SRPK1: variants seen among roughly 807,000 people sequenced by gnomAD.
SRPK1 encodes SFRS protein kinase 1.
Under a neutral mutation model 89.5 loss-of-function variants are expected in SRPK1, and 52 were observed. The ratio of observed to expected loss-of-function variants is 0.58; its 90% confidence interval spans 0.46 to 0.73. The LOEUF (loss-of-function observed/expected upper bound fraction) is 0.73, where lower values mean the gene tolerates loss of function less well. SRPK1 is among the 30% of genes least tolerant of loss of function. SRPK1 has a pLI of 0.00. For missense variants in SRPK1, 603 were observed against 780.6 expected (o/e 0.77, Z 2.71); for synonymous variants, 255 against 270.2 (o/e 0.94, Z 0.55).
intron 2 of SRPK1, among the ~76,000 whole-genome samples, chr6:35,904,691 C>T (rs577957970): frequency 4.6e-5 from 7 of 151,688 alleles, no homozygotes; most frequent in Non-Finnish European, 8.8e-5. Flanking sequence ...CCCAGCTACT[C>T]GGGAGGCTAA....
chr6:35,918,218 G>A (rs1771153715), intron 2 of SRPK1, among the ~76,000 whole-genome samples: 1 of 152,082 alleles, frequency 6.6e-6, no homozygotes, highest in Non-Finnish European at 1.5e-5. Context: ...GAAAGAAAAA[G>A]AGCAAGGTGC....
At chr6:35,865,240 T>C (rs1418672464) in intron 12 of SRPK1, among the ~76,000 whole-genome samples, 2 of 152,280 alleles carry the variant, frequency 1.3e-5, no homozygotes, top group East Asian at 3.9e-4. Context: ...TACCCTATTT[T>C]ACTCCATGAT....
At chr6:35,870,565 TA>T in intron 9 of SRPK1, 71 bp from the exon 10 acceptor site, 1 of 1,317,814 alleles carries the variant, frequency 7.6e-7, no homozygotes, top group Non-Finnish European at 1.0e-6. Flanking sequence ...AGATAGTTGT[TA>T]ACTTTAATTA....
intron 6 of SRPK1, among the ~76,000 whole-genome samples, chr6:35,880,022 C>T (rs866693096): frequency 2.0e-4 from 30 of 148,090 alleles, no homozygotes; most frequent in African/African-American, 6.5e-4. Flanking sequence ...GTTCGCACCA[C>T]GGCACTCCAG....
intron 4 of SRPK1, 107 bp downstream of exon 4, chr6:35,888,708 A>G: frequency 1.4e-6 from 1 of 737,310 alleles, no homozygotes; most frequent in Non-Finnish European, 2.3e-6. Context: ...ATTCTGATAA[A>G]TGAATCAGGC....
intron 7 of SRPK1, among the ~76,000 whole-genome samples, chr6:35,873,155 A>G (rs1274876670): frequency 6.6e-6 from 1 of 152,232 alleles, no homozygotes; most frequent in Non-Finnish European, 1.5e-5. Flanking sequence ...TAATCCAAAC[A>G]AATTTTTGCA....
intron 6 of SRPK1, among the ~76,000 whole-genome samples, chr6:35,882,510 G>T (rs1250422877): frequency 1.3e-5 from 2 of 151,952 alleles, no homozygotes; most frequent in Non-Finnish European, 2.9e-5. Flanking sequence ...TAGAGACAGG[G>T]TCTTGCTATG....
intron 2 of SRPK1, among the ~76,000 whole-genome samples, chr6:35,901,790 GA>G (rs1036298717): frequency 6.6e-6 from 1 of 151,654 alleles, no homozygotes; most frequent in African/African-American, 2.4e-5. Context: ...TTTCCTGAAA[GA>G]TTTTTTTCTT....
rs546147800 is a variant in SRPK1 at position 35,856,981 on chromosome 6, C to G, written c.1620+280G>C. ...CTTGTAATCTCCTAATCAAAACCAA[C>G]AACACCTCTTAGTAGTTGTTTTCAT... On this transcript the variant is annotated intron_variant, in intron 13 of 15. Transcript: ENST00000373825. The G allele has an allele frequency of 1.1e-4, 37 of 322,662 alleles. No homozygotes were observed. The South Asian group carries it at 2.9e-3, about 26-fold the overall frequency. The allele number at this position is 322,662 out of a possible 1,614,324, so 20.0% of individuals were successfully genotyped here.
chr6:35,919,674 C>A (rs1771185400), intron 2 of SRPK1, among the ~76,000 whole-genome samples: 1 of 152,210 alleles, frequency 6.6e-6, no homozygotes, highest in Non-Finnish European at 1.5e-5. Flanking sequence ...TGAGTTTCTA[C>A]TAGGCTGTGA....
At chr6:35,863,526 T>A (rs1769829689) in intron 12 of SRPK1, among the ~76,000 whole-genome samples, 1 of 150,600 alleles carries the variant, frequency 6.6e-6, no homozygotes, top group African/African-American at 2.4e-5. Flanking sequence ...TTAGAAAACC[T>A]CTTTAAGAAA....
At chr6:35,840,623 T>C (rs1006942713) in intron 14 of SRPK1, among the ~76,000 whole-genome samples, 1 of 152,236 alleles carries the variant, frequency 6.6e-6, no homozygotes, top group Non-Finnish European at 1.5e-5. Flanking sequence ...TTTTGGCTTA[T>C]GATAGGATTG....
intron 12 of SRPK1, among the ~76,000 whole-genome samples, chr6:35,862,485 T>G (rs1769801079): frequency 6.6e-6 from 1 of 152,152 alleles, no homozygotes; most frequent in East Asian, 1.9e-4. Context: ...GTATCTTACT[T>G]AACCAACAAC....
intron 2 of SRPK1, among the ~76,000 whole-genome samples, chr6:35,901,208 C>G (rs928848061): frequency 6.6e-6 from 1 of 152,146 alleles, no homozygotes; most frequent in Admixed American, 6.5e-5. Context: ...CGTTGGAGTG[C>G]TATCCTCCAA....
chr6:35,907,715 A>T (rs1224669251), intron 2 of SRPK1, among the ~76,000 whole-genome samples: 1 of 152,122 alleles, frequency 6.6e-6, no homozygotes, highest in African/African-American at 2.4e-5. Context: ...CAAAAAATAA[A>T]AAATAAAAAA....
chr6:35,863,065 C>T (rs996881754), intron 12 of SRPK1, among the ~76,000 whole-genome samples: 3 of 151,794 alleles, frequency 2.0e-5, no homozygotes, highest in African/African-American at 7.2e-5. Flanking sequence ...CCAGGAGGAT[C>T]GCTTGAGCCC....
At chr6:35,920,647 C>G (rs1373575513) in intron 1 of SRPK1, 119 bp from the exon 2 acceptor site, 2 of 715,488 alleles carry the variant, frequency 2.8e-6, no homozygotes, top group Admixed American at 9.7e-5. Context: ...GGGGCGGCTG[C>G]GGGCTCCGGC....
At chr6:35,842,020 T>C (rs1463254287) in intron 14 of SRPK1, among the ~76,000 whole-genome samples, 2 of 151,930 alleles carry the variant, frequency 1.3e-5, no homozygotes, top group African/African-American at 4.8e-5. Flanking sequence ...AACATGTAAA[T>C]CCATTCTACT....
intron 2 of SRPK1, chr6:35,920,135 G>T: frequency 2.0e-6 from 1 of 492,586 alleles, no homozygotes; most frequent in Non-Finnish European, 4.0e-6. Flanking sequence ...GAAACAGACC[G>T]ATAATGATCT....
Sources: allele counts gnomAD v4.1 joint callset (sites outside exome capture counted in the v4.1 genomes callset), GRCh38; gene constraint gnomAD v4.1.1; transcripts MANE v1.5; gene names NCBI Gene and HGNC (gene_info 2026-07-23, HGNC 2026-07-21).